IMPG1: variants seen among roughly 807,000 people sequenced by gnomAD.
IMPG1 encodes the protein interphotoreceptor matrix proteoglycan of 150 kDa.
IMPG1 carries 85 observed loss-of-function variants against 92.0 expected under a neutral mutation model. The ratio of observed to expected loss-of-function variants is 0.92; its 90% CI spans 0.78 to 1.11. The LOEUF is 1.11. Ranked by LOEUF, IMPG1 falls within the 50% of genes least tolerant of loss-of-function variation. IMPG1 has a pLI of 0.00. For synonymous variants in IMPG1, 367 were observed against 334.1 expected, an observed-to-expected ratio of 1.10 and a Z score of -1.08; for missense variants, 1,022 against 956.0, an observed-to-expected ratio of 1.07 and a Z score of -0.91.
At chr6:75,922,247 G>A (rs1287728108) in intron 16 of IMPG1, 81 bp from the exon 17 acceptor site, 3 of 637,248 alleles carry the variant, frequency 4.7e-6, no homozygotes, top group African/African-American at 1.9e-5. Flanking sequence ...TACTGCCACT[G>A]GTAGATAAGA....
intron 1 of IMPG1, among the ~76,000 whole-genome samples, chr6:76,054,785 C>T (rs369982730): frequency 6.6e-6 from 1 of 151,954 alleles, no homozygotes; most frequent in Admixed American, 6.6e-5. Context: ...CTTGTTAGTA[C>T]AAGCCAGTTC....
chr6:76,059,882 A>T (rs1411060678), intron 1 of IMPG1, among the ~76,000 whole-genome samples: 1 of 152,212 alleles, frequency 6.6e-6, no homozygotes. Context: ...ATGGGTTAAT[A>T]ATAGTGTCAT....
chr6:75,937,254 A>G (rs1438489540), intron 14 of IMPG1, among the ~76,000 whole-genome samples: 3 of 151,988 alleles, frequency 2.0e-5, no homozygotes, highest in Non-Finnish European at 4.4e-5. Flanking sequence ...TTTGTTTCTG[A>G]GAGTAAACAC....
intron 1 of IMPG1, among the ~76,000 whole-genome samples, chr6:76,063,183 G>A (rs750631236): frequency 2.6e-5 from 4 of 151,266 alleles, no homozygotes; most frequent in Non-Finnish European, 4.4e-5. Context: ...CAGCCTGGGT[G>A]ATAAAGTGAG....
At chr6:75,958,283 C>T (rs527315666) in intron 12 of IMPG1, among the ~76,000 whole-genome samples, 2 of 152,282 alleles carry the variant, frequency 1.3e-5, no homozygotes, top group East Asian at 3.9e-4. Flanking sequence ...TCCCTTTGTG[C>T]ATAACCCAAC....
At chr6:76,069,255 T>G (rs1784367120) in intron 1 of IMPG1, among the ~76,000 whole-genome samples, 2 of 152,048 alleles carry the variant, frequency 1.3e-5, no homozygotes, top group Admixed American at 1.3e-4. Context: ...CATGAGACCT[T>G]AAAACTCTAA....
chr6:75,999,501 G>A (rs73466846), intron 12 of IMPG1, among the ~76,000 whole-genome samples: 9,967 of 152,190 alleles, frequency 0.065, 914 homozygotes, highest in African/African-American at 0.21. Flanking sequence ...CATGGGAAAA[G>A]GCCAGAACTG....
intron 13 of IMPG1, 122 bp downstream of exon 13, chr6:75,950,440 G>T: frequency 1.2e-6 from 1 of 827,300 alleles, no homozygotes; most frequent in Middle Eastern, 3.6e-4. Flanking sequence ...TTCAGCAACA[G>T]CTGGCTTGGC....
chr6:75,969,659 T>C (rs1782369934), intron 12 of IMPG1, among the ~76,000 whole-genome samples: 1 of 151,814 alleles, frequency 6.6e-6, no homozygotes, highest in African/African-American at 2.4e-5. Flanking sequence ...CTGGAACCCA[T>C]GAGACAGAGG....
At position 75,927,715 on chromosome 6, in the gene IMPG1, T is replaced by TTCCC. The variant is rs528610174; in HGVS notation, c.2243+3234_2243+3237dup. Among the ~76,000 whole-genome samples the TTCCC allele has an allele frequency of 9.2e-3, 1,383 of 150,614 alleles. 11 individuals are homozygous for TTCCC. The highest frequency in any genetic ancestry group is 0.031 in the East Asian group (152 of 4,960). ...TTCTTCCTGAAGAAATTAAGCATCTTTCCCTCCCTCCCTCCCTCCCTCCCT... is the reference window on the plus strand; with the variant it reads ...TTCTTCCTGAAGAAATTAAGCATCTTTCCCTCCCTCCCTCCCTCCCTCCCTCCCT... On this transcript the variant is annotated intron_variant, in intron 15 of 16. Transcript: ENST00000369950.
chr6:76,041,963 C>T lies in IMPG1; in HGVS notation c.231G>A (p.Gly77=), dbSNP rs764169146. 1.9e-6 allele frequency: 3 copies of T among 1,613,878 alleles called. No individual in the cohort carries two copies. Among genetic ancestry groups the T allele is most frequent in the Non-Finnish European group, 2.5e-6 (3 of 1,179,938 alleles). ...TGGATTCCTGTGGACAGACTTTAAC[C>T]CCCGTTGGGAAAAATGCGGATCTTT... ...RTKRSAFFPT[G]VKVCPQESMK... Residue 77 remains glycine (G), a synonymous_variant, in exon 2 of 17, where the codon GGG becomes GGA. Transcript: ENST00000369950.
chr6:76,017,656 C>A (rs1032231062), intron 7 of IMPG1, among the ~76,000 whole-genome samples: 4 of 152,162 alleles, frequency 2.6e-5, no homozygotes, highest in African/African-American at 9.7e-5. Flanking sequence ...GAAACCATCA[C>A]CATAATGGTC....
At chr6:75,965,606 CTTT>C (rs35490140) in intron 12 of IMPG1, among the ~76,000 whole-genome samples, 2 of 112,498 alleles carry the variant, frequency 1.8e-5, no homozygotes, top group African/African-American at 3.5e-5. Context: ...CATACTTGTT[CTTT>C]TTTTTTTTTT....
chr6:75,966,489 G>A (rs1203598950), intron 12 of IMPG1, among the ~76,000 whole-genome samples: 2 of 152,076 alleles, frequency 1.3e-5, no homozygotes, highest in Non-Finnish European at 2.9e-5. Flanking sequence ...CTGCTCTTCT[G>A]CCTTCCATCA....
At chr6:76,021,383 C>T (rs564744120) in intron 6 of IMPG1, among the ~76,000 whole-genome samples, 21 of 152,266 alleles carry the variant, frequency 1.4e-4, no homozygotes, top group Non-Finnish European at 2.2e-4. Flanking sequence ...GACACATGCT[C>T]TCAGTACTTC....
intron 1 of IMPG1, among the ~76,000 whole-genome samples, chr6:76,071,652 T>C (rs889621171): frequency 6.6e-6 from 1 of 152,090 alleles, no homozygotes; most frequent in African/African-American, 2.4e-5. Context: ...TTTATCATCA[T>C]GAAGCTATGT....
chr6:75,938,810 TCAAAACAAAA>T lies in IMPG1; in HGVS notation c.2045-7669_2045-7660del, dbSNP rs71002780. On this transcript the variant is annotated intron_variant, in intron 14 of 16. Transcript: ENST00000369950. ...CCTGGACGACAAGCCAGGCTCCATC[TCAAAACAAAA>T]CAAAACAAAACAAAACAAAACAAAA... Among the ~76,000 whole-genome samples the T allele has an allele frequency of 3.6e-4, 53 of 147,096 alleles. No individual in the cohort carries two copies. In the South Asian group the frequency reaches 7.4e-3, roughly 21 times the overall value.
chr6:76,070,519 T>C (rs1345838930), intron 1 of IMPG1, among the ~76,000 whole-genome samples: 2 of 152,178 alleles, frequency 1.3e-5, no homozygotes, highest in Non-Finnish European at 2.9e-5. Context: ...TGCATTTGAA[T>C]ATTTATTGCA....
chr6:75,991,788 C>T (rs1782817395), intron 12 of IMPG1, among the ~76,000 whole-genome samples: 1 of 152,202 alleles, frequency 6.6e-6, no homozygotes, highest in Non-Finnish European at 1.5e-5. Flanking sequence ...CCTGCTTTCT[C>T]TTTGCACCAG....
Sources: gnomAD v4.1 joint callset for allele counts (sites outside exome capture counted in the v4.1 genomes callset) on GRCh38, gnomAD v4.1.1 for gene constraint, MANE v1.5 for transcripts, NCBI Gene and HGNC (gene_info 2026-07-23, HGNC 2026-07-21) for gene names.